Variants in HUWE1 observed in about 807,000 individuals in gnomAD.
The protein encoded by HUWE1 is E3 ubiquitin-protein ligase HUWE1.
A neutral mutation model predicts 299.4 loss-of-function variants in HUWE1; 18 were observed. The ratio of observed to expected loss-of-function variants is 0.06; its 90% confidence interval spans 0.04 to 0.09. The LOEUF (loss-of-function observed/expected upper bound fraction) is 0.09. Ranked by LOEUF, HUWE1 falls within the 10% of genes least tolerant of loss-of-function variation. The pLI, the probability that HUWE1 is intolerant of heterozygous loss-of-function variation, is 1.00. For synonymous variants in HUWE1, 1,317 were observed against 1,286.1 expected, an observed-to-expected ratio of 1.02 and a Z score of -0.51; for missense variants, 1,832 against 3,462.3, an observed-to-expected ratio of 0.53 and a Z score of 11.82.
chrX:53,597,248 TC>T (rs1414989607), intron 29 of HUWE1, among the ~76,000 whole-genome samples: 1 of 109,140 alleles, frequency 9.2e-6, no homozygotes, highest in Non-Finnish European at 1.9e-5. Flanking sequence ...ACAGATAAGT[TC>T]CCAGACACCA....
chrX:53,641,195 T>G (rs898021981), intron 7 of HUWE1, among the ~76,000 whole-genome samples: 2 of 111,922 alleles, frequency 1.8e-5, no homozygotes, highest in Non-Finnish European at 3.8e-5. Flanking sequence ...TAAGGTATAC[T>G]CTTTCATTTT....
chrX:53,549,232 C>T lies in HUWE1; in HGVS notation c.9762G>A (p.Lys3254=), dbSNP rs782734485. The T allele has an allele frequency of 2.5e-6, 3 of 1,211,886 alleles. No homozygotes were observed. In the Middle Eastern group the frequency reaches 6.9e-4, roughly 278 times the overall value. ...TACTTGACCCACAGCTCTTGCTCGA[C>T]TTTTTGCCCTTTTCCTCACTTGTAG... The part of the protein sequence containing the change: ...KLTTSEEKGK[K]SSKSCGSSSH... Residue 3254 remains lysine (K), a synonymous_variant, in exon 67 of 84, where the codon AAG becomes AAA. Transcript: ENST00000262854.
chrX:53,594,890 C>T (rs2064373705), intron 30 of HUWE1, among the ~76,000 whole-genome samples: 1 of 111,569 alleles, frequency 9.0e-6, no homozygotes, highest in African/African-American at 3.3e-5. Flanking sequence ...GCAAATATTC[C>T]AAAACCCAAA....
chrX:53,638,100 T>C (rs1189846537), intron 7 of HUWE1, among the ~76,000 whole-genome samples: 5 of 111,725 alleles, frequency 4.5e-5, no homozygotes, highest in Non-Finnish European at 1.9e-5. Flanking sequence ...AGAACAGATA[T>C]TATTCTTCAC....
In HUWE1 at chrX:53,549,072, C is replaced by A. The variant is rs1240080253; in HGVS notation, c.9922G>T (p.Gly3308Trp). The A allele has an allele frequency of 1.7e-6, 2 of 1,211,352 alleles. No individual in the cohort carries two copies. The highest frequency in any genetic ancestry group is 2.2e-6 in the Non-Finnish European group (2 of 895,175). Reference sequence around the variant, plus strand: ...GCATGCTTCTCGGTATGTTTACGCCCCCCTGAACGCTGGATCTGAAATATA... The same window carrying A: ...GCATGCTTCTCGGTATGTTTACGCCACCCTGAACGCTGGATCTGAAATATA... ...TNIFQIQRSG[G>W]RKHTEKHASG... Residue 3308 changes from glycine to tryptophan, a missense_variant, in exon 67 of 84, where the codon GGG becomes TGG. By Grantham distance (184) the Gly-to-Trp change is radical. This residue lies in a region of HUWE1 where 80 missense variants were observed against 142.1 expected (regional missense o/e 0.56). Coordinates refer to ENST00000262854, the MANE Select transcript of HUWE1 (RefSeq NM_031407.7).
chrX:53,577,151 T>C (rs1333036911), intron 43 of HUWE1, 84 bp from the exon 44 acceptor site: 2 of 709,448 alleles, frequency 2.8e-6, no homozygotes, highest in Non-Finnish European at 4.5e-6. Context: ...GAAGGGGGCA[T>C]GTATGATATA....
chrX:53,680,422 T>G (rs1441820338), intron 2 of HUWE1: 1 of 187,595 alleles, frequency 5.3e-6, no homozygotes, highest in Non-Finnish European at 9.8e-6. Flanking sequence ...AACTGAGTTC[T>G]CAACCCAAAT....
At position 53,534,179 on chromosome X, in the gene HUWE1, C is replaced by T; in HGVS notation, c.12850G>A (p.Ala4284Thr). The T allele has an allele frequency of 8.3e-7, 1 of 1,209,870 alleles. No homozygotes were observed. Among genetic ancestry groups the T allele is most frequent in the Non-Finnish European group, 1.1e-6 (1 of 894,108 alleles). Residue 4284 changes from alanine (A) to threonine (T), a missense_variant, in exon 83 of 84, where the codon GCA (alanine) becomes ACA (threonine). By Grantham distance (58) the Ala-to-Thr change is moderately conservative. Coordinates refer to ENST00000262854, the MANE Select transcript of HUWE1 (RefSeq NM_031407.7). Reference protein sequence around the residue: ...NSIQIQWFWRALRSFDQADRA... With the variant: ...NSIQIQWFWRTLRSFDQADRA... ...TCAGCTTGATCGAAAGAACGCAATG[C>T]TCTCCAGAACCACTGGATCTGTAGG...
At chrX:53,574,980 G>A (rs1556957010) in intron 46 of HUWE1, among the ~76,000 whole-genome samples, 175 bp downstream of exon 46, 1 of 112,430 alleles carries the variant, frequency 8.9e-6, no homozygotes, top group Non-Finnish European at 1.9e-5. Context: ...ATTAACTTTA[G>A]CATATAGAGA....
intron 62 of HUWE1, 73 bp downstream of exon 62, chrX:53,552,565 G>A (rs1556930118): frequency 1.7e-6 from 2 of 1,203,154 alleles, no homozygotes; most frequent in East Asian, 5.9e-5. Context: ...ATGTCCATTA[G>A]TTGACGAGTA....
At position 53,532,249 on chromosome X, in the gene HUWE1, CGA is replaced by C. The variant is rs2060810350; in HGVS notation, c.*1058_*1059del. 1 of 111,533 alleles carries C rather than the reference CGA, an allele frequency of 9.0e-6. No homozygotes were observed. Among genetic ancestry groups the C allele is most frequent in the Non-Finnish European group, 1.9e-5 (1 of 53,133 alleles). The allele number at this position is 111,533 out of a possible 1,213,427, so 9.2% of individuals were successfully genotyped here. On this transcript the variant is annotated 3_prime_UTR_variant, in exon 84 of 84. Coordinates refer to ENST00000262854, the MANE Select transcript of HUWE1 (RefSeq NM_031407.7). ...TGTGAACAGACTGGCAGACAGATGA[CGA>C]GAGAGGGAGTGACGACAACAAAAAT...
intron 29 of HUWE1, among the ~76,000 whole-genome samples, chrX:53,598,011 T>C (rs917309004): frequency 3.6e-5 from 4 of 111,468 alleles, no homozygotes; most frequent in African/African-American, 1.3e-4. Context: ...CACGAGTTTG[T>C]GGATATAGCA....
At chrX:53,650,249 C>T (rs1418998525) in intron 4 of HUWE1, among the ~76,000 whole-genome samples, 5 of 112,370 alleles carry the variant, frequency 4.4e-5, no homozygotes, top group African/African-American at 6.5e-5. Context: ...AAAATCCAAA[C>T]GCATCACACA....
chrX:53,663,419 A>G (rs1423870629), intron 3 of HUWE1, among the ~76,000 whole-genome samples: 2 of 111,292 alleles, frequency 1.8e-5, no homozygotes, highest in Non-Finnish European at 3.8e-5. Flanking sequence ...AGGCTGAGGC[A>G]GGAGAATCGC....
At chrX:53,569,952 A>T in intron 47 of HUWE1, 125 bp from the exon 48 acceptor site, 1 of 604,624 alleles carries the variant, frequency 1.7e-6, no homozygotes, top group South Asian at 2.6e-5. Flanking sequence ...TATTAGGTCC[A>T]CTTTATAGAT....
intron 71 of HUWE1, 23 bp from the exon 72 acceptor site, chrX:53,544,785 G>T: frequency 8.8e-7 from 1 of 1,132,472 alleles, no homozygotes; most frequent in Non-Finnish European, 1.2e-6. Context: ...GAGGTGGCTT[G>T]CGTATATTGA....
intron 82 of HUWE1, 23 bp downstream of exon 82, chrX:53,534,493 G>A: frequency 4.2e-6 from 5 of 1,190,508 alleles, no homozygotes; most frequent in Non-Finnish European, 5.7e-6. Flanking sequence ...ACCATATGAG[G>A]AGGGATGCCA....
At chrX:53,646,405 G>A (rs1453782619) in intron 6 of HUWE1, among the ~76,000 whole-genome samples, 3 of 111,271 alleles carry the variant, frequency 2.7e-5, no homozygotes, top group Admixed American at 9.5e-5. Context: ...TGATCTTCCC[G>A]CCTCAACCTC....
intron 23 of HUWE1, among the ~76,000 whole-genome samples, chrX:53,613,745 T>G (rs2065630191): frequency 9.0e-6 from 1 of 110,810 alleles, no homozygotes; most frequent in Non-Finnish European, 1.9e-5. Flanking sequence ...AGTAACAAAA[T>G]GAACAAAAAT....
Sources: allele counts gnomAD v4.1 joint callset (sites outside exome capture counted in the v4.1 genomes callset), GRCh38; gene constraint gnomAD v4.1.1; regional missense constraint gnomAD v4.1.1; transcripts MANE v1.5; gene names NCBI Gene and HGNC (gene_info 2026-07-23, HGNC 2026-07-21).